GSDME: variants seen among roughly 807,000 people sequenced by gnomAD.
GSDME encodes the protein gasdermin E.
GSDME carries 44 observed loss-of-function variants against 47.5 expected under a neutral mutation model. That is an observed-to-expected ratio of 0.93 (90% confidence interval 0.73 to 1.19). The LOEUF is 1.19. GSDME is among the 50% of genes most tolerant of loss of function. GSDME has a pLI of 0.00. For missense variants in GSDME, 663 were observed against 604.2 expected, an observed-to-expected ratio of 1.10 and a Z score of -1.02; for synonymous variants, 258 against 252.8, an observed-to-expected ratio of 1.02 and a Z score of -0.20.
At chr7:24,762,441 G>C (rs1035779336), upstream of GSDME, among the ~76,000 whole-genome samples, 1 of 152,236 alleles carries the variant, frequency 6.6e-6, no homozygotes, top group Admixed American at 6.5e-5. Flanking sequence ...ATGATCCAGA[G>C]ATATACAAAC....
At chr7:24,761,075 T>G (rs1207254371), upstream of GSDME, among the ~76,000 whole-genome samples, 1 of 152,256 alleles carries the variant, frequency 6.6e-6, no homozygotes, top group African/African-American at 2.4e-5. This position sits in a 1 kb window ranked among gnomAD's most constrained non-coding sequence, Gnocchi z 4.4. Flanking sequence ...ACCCCAAAAC[T>G]TAGTGGCTTG....
intron 3 of GSDME, among the ~76,000 whole-genome samples, chr7:24,731,678 A>G (rs1415043822): frequency 6.6e-6 from 1 of 152,252 alleles, no homozygotes; most frequent in Non-Finnish European, 1.5e-5. Flanking sequence ...AACTTGCCAC[A>G]TGCCAAGCAC....
the GSDME span, among the ~76,000 whole-genome samples, chr7:24,784,373 G>A: frequency 2.0e-5 from 3 of 152,296 alleles, no homozygotes; most frequent in Admixed American, 6.5e-5. Context: ...GAGGAGCAAC[G>A]AAGCCAGTAG....
chr7:24,765,644 C>G, the GSDME span, among the ~76,000 whole-genome samples: 1 of 152,244 alleles, frequency 6.6e-6, no homozygotes, highest in African/African-American at 2.4e-5. Context: ...CAGAGTTGCT[C>G]TGAACCTATT....
At chr7:24,771,543 C>T in the GSDME span, among the ~76,000 whole-genome samples, 38 of 152,314 alleles carry the variant, frequency 2.5e-4, no homozygotes, top group African/African-American at 8.4e-4. The surrounding 1 kb of genome is among the most constrained non-coding windows in gnomAD (Gnocchi z 4.1). Context: ...AGGCTTGCAT[C>T]CTGGTTCTGC....
At chr7:24,719,375 A>G (rs190317099) in intron 3 of GSDME, among the ~76,000 whole-genome samples, 157 bp from the exon 4 acceptor site, 4 of 152,292 alleles carry the variant, frequency 2.6e-5, no homozygotes, top group African/African-American at 7.2e-5. Context: ...TCACCTGGAA[A>G]GACATAAACC....
At chr7:24,791,039 T>G in the GSDME span, among the ~76,000 whole-genome samples, 1 of 152,130 alleles carries the variant, frequency 6.6e-6, no homozygotes, top group East Asian at 1.9e-4. This position sits in a 1 kb window ranked among gnomAD's most constrained non-coding sequence, Gnocchi z 4.8. Flanking sequence ...GATCAGGGCT[T>G]GTCGTCTTCT....
At chr7:24,708,471 G>A (rs1483858324) in intron 6 of GSDME, among the ~76,000 whole-genome samples, 1 of 152,098 alleles carries the variant, frequency 6.6e-6, no homozygotes, top group Non-Finnish European at 1.5e-5. Context: ...AGAGAAAGAG[G>A]GAAGCCAAGT....
intron 9 of GSDME, among the ~76,000 whole-genome samples, chr7:24,701,290 A>G (rs1189281292): frequency 6.6e-6 from 1 of 152,244 alleles, no homozygotes; most frequent in Non-Finnish European, 1.5e-5. Context: ...GTCTTTGACT[A>G]TGTTGAGCAG....
rs202054154 is a variant in GSDME, at chr7:24,742,675, G to A, written c.404+1887C>T. 4.8e-4 allele frequency among the ~76,000 whole-genome samples: 73 copies of A among 152,286 alleles called. No homozygotes were observed. The East Asian group carries it at 0.012, about 24-fold the overall frequency. ...CTGTGCTTCTTGAAATAGAAATAAC[G>A]AGACTGCAAAGCGCATCTAAGCTAG... On this transcript the variant is annotated intron_variant, in intron 3 of 9. Transcript: ENST00000645220. This position sits in a 1 kb window ranked among gnomAD's most constrained non-coding sequence, Gnocchi z 4.4.
At chr7:24,734,849 G>A (rs80195870) in intron 3 of GSDME, among the ~76,000 whole-genome samples, 5 of 152,136 alleles carry the variant, frequency 3.3e-5, no homozygotes, top group Non-Finnish European at 5.9e-5. Flanking sequence ...GCCTTAAAGA[G>A]GAAGGAGAGA....
At chr7:24,701,565 AACTT>A (rs1420456406) in intron 9 of GSDME, among the ~76,000 whole-genome samples, 1 of 152,016 alleles carries the variant, frequency 6.6e-6, no homozygotes, top group African/African-American at 2.4e-5. Context: ...GGGAAGGACT[AACTT>A]AGTAAATGCT....
the GSDME span, among the ~76,000 whole-genome samples, chr7:24,772,094 C>T: frequency 1.3e-5 from 2 of 152,192 alleles, no homozygotes; most frequent in South Asian, 2.1e-4. This position sits in a 1 kb window ranked among gnomAD's most constrained non-coding sequence, Gnocchi z 4.5. Flanking sequence ...TCCCATTGCT[C>T]CTAAATACAG....
chr7:24,717,214 T>G (rs747184253), intron 5 of GSDME, 40 bp downstream of exon 5: 16 of 1,609,574 alleles, frequency 9.9e-6, no homozygotes, highest in Non-Finnish European at 1.3e-5. Flanking sequence ...AGGGATCCTC[T>G]GCTGGGGATC....
At position 24,705,973 on chromosome 7, in the gene GSDME, A is replaced by T; in HGVS notation, c.1183+211T>A. 1.5e-6 allele frequency: 1 copy of T among 646,446 alleles called. No homozygotes were observed. Among genetic ancestry groups the T allele is most frequent in the Non-Finnish European group, 2.7e-6 (1 of 364,770 alleles). 40.0% of individuals were successfully genotyped at this position (646,446 alleles called of 1,614,324 possible). A position where few individuals can be genotyped will look rare whatever the true frequency, so the allele number is the denominator to read the frequency against. ...AGAAGGGCCCTCCGGGAGAGTAGGG[A>T]GGCTTGTGCTGGATGGAAAGGCACA... On this transcript the variant is annotated intron_variant, in intron 8 of 9. Transcript: ENST00000645220. This position sits in a 1 kb window ranked among gnomAD's most constrained non-coding sequence, Gnocchi z 4.1.
At position 24,754,831 on chromosome 7, in the gene GSDME, C is replaced by T. The variant is rs73288101; in HGVS notation, c.-20+2565G>A. ...AATTAGAAGAGAAACCTCATTCTTT[C>T]TCACACTCCATTCAGGATTCTTCTT... On this transcript the variant is annotated intron_variant, in intron 1 of 9. Coordinates refer to ENST00000645220, the MANE Select transcript of GSDME (RefSeq NM_001127453.2). The surrounding 1 kb of genome is among the most constrained non-coding windows in gnomAD (Gnocchi z 5.0). Among the ~76,000 whole-genome samples, 3,705 of 152,282 alleles carry T rather than the reference C, an allele frequency of 0.024. 132 individuals are homozygous for T. The highest frequency in any genetic ancestry group is 0.079 in the African/African-American group (3,268 of 41,532).
At chr7:24,757,724 C>T (rs1362323841), upstream of GSDME, 2 of 152,298 alleles carry the variant, frequency 1.3e-5, no homozygotes, top group African/African-American at 4.8e-5. The surrounding 1 kb of genome is among the most constrained non-coding windows in gnomAD (Gnocchi z 5.9). Context: ...ATGTCGGGGC[C>T]TCTCGGGAAG....
At chr7:24,746,050 C>A (rs1035412497) in intron 2 of GSDME, among the ~76,000 whole-genome samples, 6 of 152,048 alleles carry the variant, frequency 3.9e-5, no homozygotes, top group African/African-American at 1.4e-4. Flanking sequence ...TCCATCCACT[C>A]ACTGCCCCAA....
At chr7:24,772,223 G>A in the GSDME span, among the ~76,000 whole-genome samples, 1 of 152,168 alleles carries the variant, frequency 6.6e-6, no homozygotes, top group Non-Finnish European at 1.5e-5. The surrounding 1 kb of genome is among the most constrained non-coding windows in gnomAD (Gnocchi z 4.5). Context: ...CATAGGGGCT[G>A]AATCCACAGG....
Sources: allele counts gnomAD v4.1 joint callset (sites outside exome capture counted in the v4.1 genomes callset), GRCh38; gene constraint gnomAD v4.1.1; non-coding constraint Gnocchi (gnomAD v3.1); transcripts MANE v1.5; gene names NCBI Gene and HGNC (gene_info 2026-07-23, HGNC 2026-07-21).